Variants in TBC1D31 observed in about 807,000 individuals in gnomAD.
The protein encoded by TBC1D31 is WD repeat domain 67.
TBC1D31 carries 99 observed loss-of-function variants against 132.9 expected under a neutral mutation model. The observed-to-expected ratio is 0.74, with a 90% CI of 0.63 to 0.88. The LOEUF is 0.88. Among genes scored for constraint, TBC1D31 ranks in the 40% least tolerant of loss-of-function variants. The pLI is 0.00. For missense variants in TBC1D31, 1,134 were observed against 1,256.6 expected (o/e 0.90, Z 1.48); for synonymous variants, 385 against 419.4 (o/e 0.92, Z 1.00).
chr8:123,154,173 TC>T (rs150904925), downstream of TBC1D31, among the ~76,000 whole-genome samples: 789 of 152,384 alleles, frequency 5.2e-3, 8 homozygotes, highest in African/African-American at 0.018. Context: ...GGTGTGCTTA[TC>T]TGAGAGTCTG....
the TBC1D31 span, among the ~76,000 whole-genome samples, chr8:123,162,800 G>A: frequency 2.6e-5 from 4 of 152,046 alleles, no homozygotes; most frequent in Admixed American, 1.3e-4. Context: ...CACCCAAAAC[G>A]TAATGGCTTA....
intron 4 of TBC1D31, among the ~76,000 whole-genome samples, chr8:123,085,001 G>A (rs1815578060): frequency 6.6e-6 from 1 of 151,458 alleles, no homozygotes; most frequent in South Asian, 2.1e-4. Flanking sequence ...TGTTGGCCAG[G>A]CTTGTCTCAA....
chr8:123,093,137 T>C (rs570675937), intron 4 of TBC1D31, among the ~76,000 whole-genome samples: 197 of 151,998 alleles, frequency 1.3e-3, no homozygotes, highest in African/African-American at 4.6e-3. Context: ...TTCGTAGAGA[T>C]AGGGTTTCAC....
At chr8:123,150,858 A>G (rs1314028746) in intron 21 of TBC1D31, among the ~76,000 whole-genome samples, 1 of 152,250 alleles carries the variant, frequency 6.6e-6, no homozygotes, top group East Asian at 1.9e-4. Context: ...ATTTTTTTTC[A>G]ATAAAATTGC....
At chr8:123,139,121 T>TC in intron 17 of TBC1D31, among the ~76,000 whole-genome samples, 1 of 151,890 alleles carries the variant, frequency 6.6e-6, no homozygotes, top group South Asian at 2.1e-4. Context: ...ATTTCTTGTT[T>TC]TTTTTTTTTT....
chr8:123,083,097 G>A, intron 3 of TBC1D31: 1 of 264,430 alleles, frequency 3.8e-6, no homozygotes, highest in Non-Finnish European at 7.1e-6. Context: ...ATAACAAAAG[G>A]ATACAAAGTA....
rs770170443 is a variant in TBC1D31 at position 123,077,282 on chromosome 8, C to T, written c.224+25C>T. The T allele has an allele frequency of 1.5e-5, 23 of 1,568,364 alleles. No homozygotes were observed. In the Middle Eastern group the frequency reaches 8.5e-4, roughly 58 times the overall value. ...GGTAAGCAGATACCATTGATATCTA[C>T]GTTCTTTAACAAGTTATTAATTCAC... is the stretch of plus-strand genomic sequence containing the variant. On this transcript the variant is annotated intron_variant, in intron 2 of 21. Transcript: ENST00000287380.
At chr8:123,159,945 G>A in the TBC1D31 span, among the ~76,000 whole-genome samples, 1 of 152,224 alleles carries the variant, frequency 6.6e-6, no homozygotes, top group African/African-American at 2.4e-5. Context: ...AAGATAATAA[G>A]AGTCTCCATA....
intron 2 of TBC1D31, among the ~76,000 whole-genome samples, chr8:123,078,338 G>A (rs1814762726): frequency 6.6e-6 from 1 of 152,060 alleles, no homozygotes; most frequent in South Asian, 2.1e-4. Context: ...CATATATGGA[G>A]GGCAGAAAAC....
intron 7 of TBC1D31, chr8:123,102,205 G>A: frequency 4.4e-6 from 2 of 456,332 alleles, no homozygotes; most frequent in Non-Finnish European, 8.8e-6. Flanking sequence ...CTCTAACAGA[G>A]ACTTTGATGA....
intron 1 of TBC1D31, among the ~76,000 whole-genome samples, chr8:123,076,254 C>T (rs902563257): frequency 1.4e-4 from 21 of 151,956 alleles, no homozygotes; most frequent in Admixed American, 6.6e-4. Flanking sequence ...GCACATGCAC[C>T]ATGCCTGGCT....
chr8:123,161,677 A>G, the TBC1D31 span, among the ~76,000 whole-genome samples: 1 of 152,144 alleles, frequency 6.6e-6, no homozygotes, highest in African/African-American at 2.4e-5. Flanking sequence ...GTGTATGTAA[A>G]TGGTGATTTT....
chr8:123,142,488 C>A, intron 19 of TBC1D31, 32 bp downstream of exon 19: 25 of 1,362,350 alleles, frequency 1.8e-5, no homozygotes, highest in Admixed American at 5.8e-5. Context: ...TTTTTAATAT[C>A]AAGCATTGAT....
At chr8:123,076,338 ATGTGTGTG>A (rs71310650) in intron 1 of TBC1D31, among the ~76,000 whole-genome samples, 13 of 149,390 alleles carry the variant, frequency 8.7e-5, no homozygotes, top group South Asian at 2.1e-4. Flanking sequence ...AATTGTGTGT[ATGTGTGTG>A]TGTGTGTGTG....
chr8:123,099,589 C>T (rs1052060825), intron 6 of TBC1D31, among the ~76,000 whole-genome samples: 1 of 152,124 alleles, frequency 6.6e-6, no homozygotes, highest in African/African-American at 2.4e-5. Context: ...CAGTGGGGAG[C>T]CTCAGTGGGA....
At chr8:123,148,433 G>A (rs1822449584) in intron 20 of TBC1D31, among the ~76,000 whole-genome samples, 1 of 152,104 alleles carries the variant, frequency 6.6e-6, no homozygotes, top group Non-Finnish European at 1.5e-5. Flanking sequence ...GAGGACAGAT[G>A]AGAGGGAGCT....
intron 11 of TBC1D31, among the ~76,000 whole-genome samples, chr8:123,125,007 G>T (rs1050953128): frequency 6.6e-6 from 1 of 151,158 alleles, no homozygotes; most frequent in African/African-American, 2.4e-5. Flanking sequence ...GTCTTTGCAA[G>T]ATTTTATTTC....
the TBC1D31 span, among the ~76,000 whole-genome samples, chr8:123,162,487 G>A: frequency 6.6e-6 from 1 of 152,088 alleles, no homozygotes; most frequent in South Asian, 2.1e-4. Context: ...AACACATCCT[G>A]GCAGGTGGTT....
chr8:123,153,525 C>A (rs1822912017), downstream of TBC1D31, among the ~76,000 whole-genome samples: 1 of 152,218 alleles, frequency 6.6e-6, no homozygotes, highest in Admixed American at 6.5e-5. Context: ...TGTCTCTGAG[C>A]CTACGTTTCT....
Sources: gnomAD v4.1 joint callset for allele counts (sites outside exome capture counted in the v4.1 genomes callset) on GRCh38, gnomAD v4.1.1 for gene constraint, MANE v1.5 for transcripts, NCBI Gene and HGNC (gene_info 2026-07-23, HGNC 2026-07-21) for gene names.